CCDC60: variants seen among roughly 807,000 people sequenced by gnomAD.
CCDC60 encodes coiled-coil domain containing 60, also known as coiled-coil domain-containing protein 60.
CCDC60 carries 54 observed loss-of-function variants against 63.5 expected under a neutral mutation model. That is an observed-to-expected ratio of 0.85 (90% CI 0.68 to 1.07). The LOEUF (loss-of-function observed/expected upper bound fraction) is 1.07. Among genes scored for constraint, CCDC60 ranks in the 50% least tolerant of loss-of-function variants. The pLI is 0.00. For missense variants in CCDC60, 651 were observed against 684.3 expected (o/e 0.95, Z 0.54); for synonymous variants, 206 against 238.8 (o/e 0.86, Z 1.27).
intron 1 of CCDC60, among the ~76,000 whole-genome samples, chr12:119,393,117 T>C (rs575931161): frequency 1.3e-5 from 2 of 152,294 alleles, no homozygotes; most frequent in South Asian, 2.1e-4. Flanking sequence ...TGAGTTGTAA[T>C]TGCACCACTG....
chr12:119,537,513 G>C (rs1158730045), intron 13 of CCDC60, among the ~76,000 whole-genome samples: 1 of 152,214 alleles, frequency 6.6e-6, no homozygotes, highest in African/African-American at 2.4e-5. Context: ...AGAATTTTCA[G>C]CTTTTCTGCT....
At chr12:119,496,463 T>C (rs1053258264) in intron 5 of CCDC60, among the ~76,000 whole-genome samples, 1 of 152,090 alleles carries the variant, frequency 6.6e-6, no homozygotes, top group Admixed American at 6.6e-5. Context: ...AAAATTACGG[T>C]CTGAAAGTTA....
chr12:119,372,571 T>G (rs1353830767), intron 1 of CCDC60, among the ~76,000 whole-genome samples: 1 of 152,138 alleles, frequency 6.6e-6, no homozygotes, highest in African/African-American at 2.4e-5. Flanking sequence ...CCCCACATTA[T>G]GGAAGTCAGG....
At chr12:119,354,362 TG>T (rs1312123583) in intron 1 of CCDC60, among the ~76,000 whole-genome samples, 1 of 152,160 alleles carries the variant, frequency 6.6e-6, no homozygotes, top group Non-Finnish European at 1.5e-5. Context: ...TGGATTGTAA[TG>T]GGTGTCTGTC....
chr12:119,473,454 T>A (rs1951108082), intron 3 of CCDC60, among the ~76,000 whole-genome samples: 1 of 152,172 alleles, frequency 6.6e-6, no homozygotes, highest in Non-Finnish European at 1.5e-5. Context: ...GTTCATAGAT[T>A]AATTTTTTTT....
intron 2 of CCDC60, among the ~76,000 whole-genome samples, chr12:119,447,234 AG>A (rs1380985611): frequency 6.6e-6 from 1 of 152,188 alleles, no homozygotes; most frequent in African/African-American, 2.4e-5. Flanking sequence ...GCACGGTGAC[AG>A]GCAAGACTCA....
chr12:119,433,679 C>T, intron 2 of CCDC60: 1 of 682,018 alleles, frequency 1.5e-6, no homozygotes, highest in Non-Finnish European at 2.7e-6. Flanking sequence ...CTTTGTTTCC[C>T]CTCCTGTTGG....
chr12:119,480,721 A>G (rs1270069082), intron 4 of CCDC60, among the ~76,000 whole-genome samples: 1 of 145,964 alleles, frequency 6.9e-6, no homozygotes, highest in Non-Finnish European at 1.5e-5. Context: ...CACCACCACC[A>G]TCATCACCAC....
intron 6 of CCDC60, among the ~76,000 whole-genome samples, chr12:119,501,566 T>A (rs140500176): frequency 3.1e-4 from 47 of 152,318 alleles, no homozygotes; most frequent in African/African-American, 1.0e-3. Flanking sequence ...TTGCCCCTCA[T>A]GAAGAATTTC....
intron 9 of CCDC60, among the ~76,000 whole-genome samples, chr12:119,521,131 C>T (rs762571681): frequency 1.3e-5 from 2 of 152,142 alleles, no homozygotes; most frequent in East Asian, 3.9e-4. Context: ...GTAATCTATG[C>T]GTGTCTTTCA....
Position 119,337,246 on chromosome 12 carries a change from C to G in CCDC60, c.90+1980C>G, listed in dbSNP as rs151003720. On this transcript the variant is annotated intron_variant, in intron 1 of 13. Coordinates refer to ENST00000327554, the MANE Select transcript of CCDC60 (RefSeq NM_178499.5). ...GAAGGATGTTCAATCCAGAGCAGCC[C>G]GCTCTGGGACTGAACTTCCCAGCAT... Among the ~76,000 whole-genome samples, 4 of 152,320 alleles carry G rather than the reference C, an allele frequency of 2.6e-5. No homozygotes were observed. In the South Asian group the frequency reaches 6.2e-4, roughly 24 times the overall value.
At chr12:119,396,689 A>G (rs1355127605) in intron 1 of CCDC60, among the ~76,000 whole-genome samples, 1 of 152,170 alleles carries the variant, frequency 6.6e-6, no homozygotes, top group Admixed American at 6.5e-5. Flanking sequence ...AGACCAGCCT[A>G]GACAATATAG....
intron 1 of CCDC60, among the ~76,000 whole-genome samples, chr12:119,423,268 G>A (rs922251220): frequency 1.3e-5 from 2 of 152,196 alleles, no homozygotes; most frequent in Non-Finnish European, 2.9e-5. Flanking sequence ...AAGATCAAAA[G>A]GAGTATCCAA....
rs1224088473 is a variant in CCDC60 at position 119,456,060 on chromosome 12, A to AAAGAAAGAAAGAAAGCAAGCAAGC, written c.171-15931_171-15930insAAAGAAAGAAAGCAAGCAAGCAAG. Among the ~76,000 whole-genome samples, 3 of 118,784 alleles carry AAAGAAAGAAAGAAAGCAAGCAAGC rather than the reference A, an allele frequency of 2.5e-5. No individual in the cohort carries two copies. The highest frequency in any genetic ancestry group is 3.5e-5 in the Non-Finnish European group (2 of 56,408). The allele number at this position is 118,784 out of a possible 152,430, so 77.9% of individuals were successfully genotyped here. On this transcript the variant is annotated intron_variant, in intron 2 of 13. Transcript: ENST00000327554. This position sits in a 1 kb window ranked among gnomAD's most constrained non-coding sequence, Gnocchi z 4.6. Reference sequence around the variant, plus strand: ...GAAAGAAAGAAAGAAAGAAAGAAAGAAAGCAAGCAAGCATGTGCAATTTCA... The same window carrying AAAGAAAGAAAGAAAGCAAGCAAGC: ...GAAAGAAAGAAAGAAAGAAAGAAAGAAAGAAAGAAAGAAAGCAAGCAAGCAAGCAAGCAAGCATGTGCAATTTCA...
chr12:119,523,053 A>C (rs1952573901), intron 10 of CCDC60, 52 bp downstream of exon 10: 1 of 1,483,342 alleles, frequency 6.7e-7, no homozygotes, highest in Non-Finnish European at 9.4e-7. Context: ...TATGGTGACC[A>C]CACCCTCTAT....
chr12:119,386,026 C>T (rs758997460), intron 1 of CCDC60, among the ~76,000 whole-genome samples: 7 of 152,204 alleles, frequency 4.6e-5, no homozygotes, highest in African/African-American at 7.2e-5. Flanking sequence ...TTGCTGTGTC[C>T]CCAGCTCCTA....
chr12:119,513,662 C>T (rs1952273860), intron 7 of CCDC60, among the ~76,000 whole-genome samples: 1 of 152,200 alleles, frequency 6.6e-6, no homozygotes, highest in Non-Finnish European at 1.5e-5. Context: ...CAATGGACCA[C>T]ATATACGACA....
intron 1 of CCDC60, among the ~76,000 whole-genome samples, chr12:119,348,228 G>A (rs1055647535): frequency 1.1e-4 from 16 of 152,158 alleles, no homozygotes; most frequent in African/African-American, 3.1e-4. Context: ...TTGAGACACC[G>A]TGAATATGGC....
At chr12:119,487,027 G>T (rs1054806042) in intron 4 of CCDC60, among the ~76,000 whole-genome samples, 1 of 152,062 alleles carries the variant, frequency 6.6e-6, no homozygotes, top group Admixed American at 6.6e-5. Context: ...GGCTGGCCAG[G>T]ACTCCACCTT....
Sources: gnomAD v4.1 joint callset for allele counts (sites outside exome capture counted in the v4.1 genomes callset) on GRCh38, gnomAD v4.1.1 for gene constraint, Gnocchi (gnomAD v3.1) non-coding constraint, MANE v1.5 for transcripts, NCBI Gene and HGNC (gene_info 2026-07-23, HGNC 2026-07-21) for gene names.